EPS8: variants seen among roughly 807,000 people sequenced by gnomAD.
The protein encoded by EPS8 is EGFR pathway substrate 8, signaling adaptor.
A neutral mutation model predicts 103.8 loss-of-function variants in EPS8; 42 were observed. That is an observed-to-expected ratio of 0.40 (90% CI 0.32 to 0.52). EPS8 has a LOEUF of 0.52. Among genes scored for constraint, EPS8 ranks in the 20% least tolerant of loss-of-function variants. EPS8 has a pLI of 0.40. For synonymous variants in EPS8, 344 were observed against 344.6 expected, an observed-to-expected ratio of 1.00 and a Z score of 0.02; for missense variants, 969 against 1,005.1, an observed-to-expected ratio of 0.96 and a Z score of 0.49.
In EPS8 at chr12:15,658,135, T is replaced by C. The variant is rs774271074; in HGVS notation, c.1045A>G (p.Ile349Val). The change falls in exon 12 of 21, where the codon ATT becomes GTT. Residue 349 changes from isoleucine (I) to valine (V), a missense_variant. Ile to Val is a conservative substitution (Grantham distance 29). Transcript: ENST00000281172. ...FNLLAKLKSH[I>V]QNPSAADLVH... ...AAATCTGCAGCACTAGGATTCTGAA[T>C]ATGAGACTTCAGTTTGGCCTGCAAC... The C allele has an allele frequency of 2.5e-6, 4 of 1,610,756 alleles. No homozygotes were observed. Among genetic ancestry groups the C allele is most frequent in the Non-Finnish European group, 3.4e-6 (4 of 1,177,844 alleles).
In EPS8 at chr12:15,771,952, G is replaced by A. The variant is rs566924232; in HGVS notation, c.-22+17209C>T. Among the ~76,000 whole-genome samples, 16 of 152,024 alleles carry A rather than the reference G, an allele frequency of 1.1e-4. No individual in the cohort carries two copies. In the East Asian group the frequency reaches 1.8e-3, roughly 17 times the overall value. On this transcript the variant is annotated intron_variant, in intron 1 of 20. Transcript: ENST00000281172. The surrounding 1 kb of genome is among the most constrained non-coding windows in gnomAD (Gnocchi z 4.6). ...ATCCTGGCTAATGCGGTGAAACCCCGTCTCTACTAAAAATACAAAAAATTA... is the reference window on the plus strand; with the variant it reads ...ATCCTGGCTAATGCGGTGAAACCCCATCTCTACTAAAAATACAAAAAATTA...
At position 15,670,909 on chromosome 12, in the gene EPS8, A is replaced by G; in HGVS notation, c.151T>C (p.Tyr51His). The change falls in exon 4 of 21, where the codon TAT becomes CAT. Residue 51 changes from tyrosine to histidine, a missense_variant. Transcript: ENST00000281172. ...ACACTGCTGACACTGTCCCGTGCAT[A>G]ATTCTTCCTTTGTTCTGAAAGAGAA... is the stretch of plus-strand genomic sequence containing the variant. ...AKALYEQRKN[Y>H]ARDSVSSVSD... is the part of the protein sequence containing the mutation. 1.2e-6 allele frequency: 2 copies of G among 1,611,854 alleles called. No individual in the cohort carries two copies. Among genetic ancestry groups the G allele is most frequent in the South Asian group, 1.1e-5 (1 of 90,858 alleles).
chr12:15,647,463 G>C (rs1014156703), intron 14 of EPS8, among the ~76,000 whole-genome samples: 1 of 152,112 alleles, frequency 6.6e-6, no homozygotes, highest in Non-Finnish European at 1.5e-5. Context: ...TAGTGCAAAG[G>C]GTAATCTTGC....
Position 15,621,236 on chromosome 12 carries a change from G to T in EPS8, c.*81C>A. On this transcript the variant is annotated 3_prime_UTR_variant, in exon 21 of 21. Transcript: ENST00000281172. ...AAATTACATCAAGAAAAATGAATCT[G>T]ACATTCCCTTCAAGGCTTCTTAAAA... 3 of 644,508 alleles carry T rather than the reference G, an allele frequency of 4.7e-6. No homozygotes were observed. Among genetic ancestry groups the T allele is most frequent in the South Asian group, 2.4e-5 (1 of 41,686 alleles). The allele number at this position is 644,508 out of a possible 1,614,324, so 39.9% of individuals were successfully genotyped here. A position where few individuals can be genotyped will look rare whatever the true frequency, so the allele number is the denominator to read the frequency against.
chr12:15,640,634 A>G, intron 17 of EPS8, 69 bp downstream of exon 17: 1 of 1,419,038 alleles, frequency 7.0e-7, no homozygotes, highest in South Asian at 1.3e-5. Context: ...AAAGGTGTTT[A>G]AATCCTACTT....
intron 1 of EPS8, among the ~76,000 whole-genome samples, chr12:15,765,582 G>T (rs1293818709): frequency 6.6e-6 from 1 of 151,940 alleles, no homozygotes; most frequent in African/African-American, 2.4e-5. Flanking sequence ...ATTATTAAAA[G>T]AAAATGAGAT....
intron 1 of EPS8, among the ~76,000 whole-genome samples, chr12:15,707,907 T>C (rs891243370): frequency 2.0e-5 from 3 of 152,160 alleles, no homozygotes; most frequent in African/African-American, 7.2e-5. Flanking sequence ...CACCTCCCTA[T>C]CTCTAATTCT....
chr12:15,752,112 T>C lies in EPS8; in HGVS notation c.-22+37049A>G, dbSNP rs998841874. On this transcript the variant is annotated intron_variant, in intron 1 of 20. Coordinates refer to ENST00000281172, the MANE Select transcript of EPS8 (RefSeq NM_004447.6). This position sits in a 1 kb window ranked among gnomAD's most constrained non-coding sequence, Gnocchi z 4.4. ...AAAGTTAATACAGAATCATTAGCAA[T>C]GGTACTTGATATCAAGAAAGCAGCT... Among the ~76,000 whole-genome samples the C allele has an allele frequency of 2.6e-5, 4 of 152,118 alleles. No homozygotes were observed. Among genetic ancestry groups the C allele is most frequent in the Non-Finnish European group, 4.4e-5 (3 of 68,026 alleles).
rs1174943575 is a variant in EPS8 at position 15,748,574 on chromosome 12, G to C, written c.-22+40587C>G. Among the ~76,000 whole-genome samples the C allele has an allele frequency of 6.6e-6, 1 of 151,982 alleles. No homozygotes were observed. The highest frequency in any genetic ancestry group is 2.4e-5 in the African/African-American group (1 of 41,376). On this transcript the variant is annotated intron_variant, in intron 1 of 20. Coordinates refer to ENST00000281172, the MANE Select transcript of EPS8 (RefSeq NM_004447.6). This position sits in a 1 kb window ranked among gnomAD's most constrained non-coding sequence, Gnocchi z 4.8. ...GGAGAGAAATTCCACAGCTCCCTTG[G>C]TATTTTTCACTCTGGATCTGAACAA...
chr12:15,774,655 T>A (rs1312104397), intron 1 of EPS8, among the ~76,000 whole-genome samples: 1 of 147,456 alleles, frequency 6.8e-6, no homozygotes, highest in Non-Finnish European at 1.5e-5. Flanking sequence ...ATATAAAATA[T>A]ATATACACAC....
intron 12 of EPS8, among the ~76,000 whole-genome samples, chr12:15,656,035 G>A (rs984078571): frequency 1.3e-5 from 2 of 152,186 alleles, no homozygotes; most frequent in African/African-American, 4.8e-5. Context: ...GTAAACCAAT[G>A]TTTTCAGGTA....
intron 1 of EPS8, among the ~76,000 whole-genome samples, chr12:15,689,414 A>G (rs1475423315): frequency 1.3e-5 from 2 of 152,220 alleles, no homozygotes; most frequent in African/African-American, 2.4e-5. Context: ...GCAAACAGAA[A>G]AAGACCTACC....
intron 1 of EPS8, among the ~76,000 whole-genome samples, chr12:15,746,931 T>C (rs1946881934): frequency 6.6e-6 from 1 of 152,162 alleles, no homozygotes; most frequent in Non-Finnish European, 1.5e-5. Context: ...GTTCTTCTTA[T>C]AAAATGAACT....
At chr12:15,680,977 C>T (rs1166068293) in intron 3 of EPS8, among the ~76,000 whole-genome samples, 1 of 152,094 alleles carries the variant, frequency 6.6e-6, no homozygotes, top group Non-Finnish European at 1.5e-5. Flanking sequence ...AGGGCATTGG[C>T]ACCATGCATA....
chr12:15,662,508 A>G lies in EPS8; in HGVS notation c.737-409T>C, dbSNP rs1011349807. 6 of 989,124 alleles carry G rather than the reference A, an allele frequency of 6.1e-6. No homozygotes were observed. The African/African-American group carries it at 1.0e-4, about 17-fold the overall frequency. The allele number at this position is 989,124 out of a possible 1,614,324, so 61.3% of individuals were successfully genotyped here. ...AATGCAACAGAGCTATAATTTTTAT[A>G]CATTCCAACACTGTGACTACAATAA... On this transcript the variant is annotated intron_variant, in intron 8 of 20. Coordinates refer to ENST00000281172, the MANE Select transcript of EPS8 (RefSeq NM_004447.6).
In EPS8 at chr12:15,713,145, T is replaced by C. The variant is rs1055726143; in HGVS notation, c.-21-30173A>G. ...AAGTTTTAAATGGTGAAAATAATAC[T>C]GGCTAGCATTGACTGAAAGCTTACT... On this transcript the variant is annotated intron_variant, in intron 1 of 20. Coordinates refer to ENST00000281172, the MANE Select transcript of EPS8 (RefSeq NM_004447.6). This position sits in a 1 kb window ranked among gnomAD's most constrained non-coding sequence, Gnocchi z 4.8. 5 of 227,810 alleles carry C rather than the reference T, an allele frequency of 2.2e-5. No homozygotes were observed. The highest frequency in any genetic ancestry group is 6.5e-5 in the Admixed American group (1 of 15,336). The allele number at this position is 227,810 out of a possible 1,614,324, so 14.1% of individuals were successfully genotyped here.
Position 15,749,057 on chromosome 12 carries a change from C to T in EPS8, c.-22+40104G>A, listed in dbSNP as rs1235118828. On this transcript the variant is annotated intron_variant, in intron 1 of 20. Coordinates refer to ENST00000281172, the MANE Select transcript of EPS8 (RefSeq NM_004447.6). The surrounding 1 kb of genome is among the most constrained non-coding windows in gnomAD (Gnocchi z 4.0). ...CCTTTTAACTATTTTTGTCAAGATC[C>T]ATCCTAGTGTTCTTTTGGAAGAGCT... Among the ~76,000 whole-genome samples, 11 of 152,066 alleles carry T rather than the reference C, an allele frequency of 7.2e-5. No homozygotes were observed. The highest frequency in any genetic ancestry group is 1.9e-4 in the East Asian group (1 of 5,192).
At chr12:15,753,843 A>AT (rs999576307) in intron 1 of EPS8, among the ~76,000 whole-genome samples, 1 of 152,234 alleles carries the variant, frequency 6.6e-6, no homozygotes, top group Non-Finnish European at 1.5e-5. Flanking sequence ...AATAAACCAT[A>AT]TTTTTTAAAA....
chr12:15,665,334 A>AT (rs1316398324), intron 8 of EPS8: 3,620 of 159,644 alleles, frequency 0.023, 103 homozygotes, highest in African/African-American at 0.067. Flanking sequence ...CTAAGATTTG[A>AT]TTTTTTTTTT....
Sources: allele counts gnomAD v4.1 joint callset (sites outside exome capture counted in the v4.1 genomes callset), GRCh38; gene constraint gnomAD v4.1.1; non-coding constraint Gnocchi (gnomAD v3.1); transcripts MANE v1.5; gene names NCBI Gene and HGNC (gene_info 2026-07-23, HGNC 2026-07-21).